MLH3: variants seen among roughly 807,000 people sequenced by gnomAD.
MLH3 encodes the protein mutL homolog 3, also known as DNA mismatch repair protein Mlh3.
MLH3 carries 82 observed loss-of-function variants against 122.2 expected under a neutral mutation model. The ratio of observed to expected loss-of-function variants is 0.67; its 90% confidence interval spans 0.56 to 0.81. The LOEUF (loss-of-function observed/expected upper bound fraction) is 0.81, where lower values mean the gene tolerates loss of function less well. MLH3 is among the 30% of genes least tolerant of loss of function. The pLI is 0.00. For missense variants in MLH3, 1,539 were observed against 1,714.5 expected (o/e 0.90, Z 1.81); for synonymous variants, 524 against 599.5 (o/e 0.87, Z 1.84).
intron 5 of MLH3, 29 bp from the exon 6 acceptor site, chr14:75,038,441 C>A (rs1305371327): frequency 4.8e-5 from 68 of 1,409,348 alleles, no homozygotes; most frequent in Non-Finnish European, 6.3e-5. Flanking sequence ...AGTGGTACAA[C>A]ACTAAATAAA....
Position 75,046,445 on chromosome 14 carries a change from T to C in MLH3, c.3211A>G (p.Thr1071Ala), listed in dbSNP as rs1595082664. ...MTGLSTFIAP[T>A]EDIQAACTKD... is the part of the protein sequence containing the mutation. ...GTACAAGCAGCCTGAATGTCCTCAG[T>C]TGGGGCAATGAATGTGCTGAGTCCA... Residue 1071 changes from threonine to alanine, a missense_variant, in exon 2 of 13, where the codon ACT (threonine) becomes GCT (alanine). By Grantham distance (58) the Thr-to-Ala change is moderately conservative. Transcript: ENST00000355774. 3.7e-6 allele frequency: 6 copies of C among 1,614,170 alleles called. No homozygotes were observed. The highest frequency in any genetic ancestry group is 1.1e-5 in the South Asian group (1 of 91,088).
At position 75,033,624 on chromosome 14, in the gene MLH3, G is replaced by A; in HGVS notation, c.3644-134C>T. ...CAAAACATTCTGAGGAGTAACAATT[G>A]TATCTTTTATTTCCTAAAACATGAA... On this transcript the variant is annotated intron_variant, in intron 6 of 12. Coordinates refer to ENST00000355774, the MANE Select transcript of MLH3 (RefSeq NM_001040108.2). The A allele has an allele frequency of 4.2e-6, 3 of 708,452 alleles. No homozygotes were observed. The South Asian group carries it at 4.6e-5, about 11-fold the overall frequency. 43.9% of individuals were successfully genotyped at this position (708,452 alleles called of 1,614,324 possible).
chr14:75,051,193 CCCAGCCCCTCCCTGG>C (rs1417386717), intron 1 of MLH3, among the ~76,000 whole-genome samples, 172 bp downstream of exon 1: 1 of 152,164 alleles, frequency 6.6e-6, no homozygotes, highest in Non-Finnish European at 1.5e-5. Context: ...TCCCGCCAGG[CCCAGCCCCTCCCTGG>C]CCAGCCCCGT....
chr14:75,030,958 G>A (rs917030827), intron 8 of MLH3, among the ~76,000 whole-genome samples: 14 of 152,176 alleles, frequency 9.2e-5, no homozygotes, highest in African/African-American at 3.4e-4. Context: ...TTCTAAGTGT[G>A]TTTTCTTCAT....
At chr14:75,038,633 CA>C (rs1296282945) in intron 5 of MLH3, among the ~76,000 whole-genome samples, 1 of 152,020 alleles carries the variant, frequency 6.6e-6, no homozygotes, top group African/African-American at 2.4e-5. Flanking sequence ...AGGGAGGCGA[CA>C]GGGGAAGACA....
chr14:75,033,546 G>A, intron 6 of MLH3, 56 bp from the exon 7 acceptor site: 2 of 1,332,336 alleles, frequency 1.5e-6, no homozygotes, highest in South Asian at 2.3e-5. Flanking sequence ...CAACCATCAT[G>A]TGTGTTGAGG....
Position 75,046,720 on chromosome 14 carries a change from A to G in MLH3, c.2936T>C (p.Val979Ala), listed in dbSNP as rs1164738782. 1 of 1,614,034 alleles carries G rather than the reference A, an allele frequency of 6.2e-7. No individual in the cohort carries two copies. Among genetic ancestry groups the G allele is most frequent in the African/African-American group, 1.3e-5 (1 of 74,922 alleles). The change falls in exon 2 of 13, where the codon GTT becomes GCT. Residue 979 changes from valine to alanine, a missense_variant. Transcript: ENST00000355774. ...PLVLPYNNSK[V>A]TGKDSDVLIR... ...AAGAACATCTGAATCTTTACCGGTA[A>G]CTTTAGAATTATTATAGGGCAATAC...
chr14:75,049,568 C>T lies in MLH3; in HGVS notation c.88G>A (p.Ala30Thr), dbSNP rs1173241120. The T allele has an allele frequency of 1.2e-6, 2 of 1,614,196 alleles. No homozygotes were observed. The change falls in exon 2 of 13, where the codon GCC (alanine) becomes ACC (threonine). Residue 30 changes from alanine (A) to threonine (T), a missense_variant. Coordinates refer to ENST00000355774, the MANE Select transcript of MLH3 (RefSeq NM_001040108.2). Reference sequence around the variant, plus strand: ...GCTTCAGCATCAATACTGTTGAGGGCAAGTTCCTCAACACATTGGCCCAAG... The same window carrying T: ...GCTTCAGCATCAATACTGTTGAGGGTAAGTTCCTCAACACATTGGCCCAAG... Reference protein sequence around the residue: ...SSLGQCVEELALNSIDAEAKC... With the variant: ...SSLGQCVEELTLNSIDAEAKC...
intron 9 of MLH3, among the ~76,000 whole-genome samples, chr14:75,028,257 C>G (rs535463664): frequency 2.5e-4 from 38 of 152,172 alleles, no homozygotes; most frequent in African/African-American, 9.2e-4. Context: ...TAAAATGGAC[C>G]TTACTCTCCT....
At chr14:75,023,937 T>C (rs895807732) in intron 9 of MLH3, among the ~76,000 whole-genome samples, 2 of 152,176 alleles carry the variant, frequency 1.3e-5, no homozygotes, top group Admixed American at 6.5e-5. Context: ...GTAGATACTA[T>C]ATTACATATA....
At chr14:75,032,330 A>G in intron 7 of MLH3, 151 bp from the exon 8 acceptor site, 1 of 670,080 alleles carries the variant, frequency 1.5e-6, no homozygotes, top group Non-Finnish European at 2.7e-6. Context: ...TTTTAAAGTC[A>G]AACTAATAAA....
chr14:75,017,027 C>G lies in MLH3; in HGVS notation c.*55G>C. On this transcript the variant is annotated 3_prime_UTR_variant, in exon 13 of 13. Coordinates refer to ENST00000355774, the MANE Select transcript of MLH3 (RefSeq NM_001040108.2). ...TGGTACCTGCTGCTGCTGCTCTCTGCTCAGAGGCATACAGTGAACATCCCT... is the reference window on the plus strand; with the variant it reads ...TGGTACCTGCTGCTGCTGCTCTCTGGTCAGAGGCATACAGTGAACATCCCT... 6.2e-7 allele frequency: 1 copy of G among 1,605,188 alleles called. No individual in the cohort carries two copies.
chr14:75,046,466 G>C lies in MLH3; in HGVS notation c.3190C>G (p.Leu1064Val), dbSNP rs774056235. The change falls in exon 2 of 13, where the codon CTC becomes GTC. Residue 1064 changes from leucine to valine, a missense_variant. Leu to Val is a conservative substitution (Grantham distance 32). Coordinates refer to ENST00000355774, the MANE Select transcript of MLH3 (RefSeq NM_001040108.2). ...TCAGTTGGGGCAATGAATGTGCTGAGTCCAGTCATTTTGTTGACATAAACC... is the reference window on the plus strand; with the variant it reads ...TCAGTTGGGGCAATGAATGTGCTGACTCCAGTCATTTTGTTGACATAAACC... ...RMVYVNKMTG[L>V]STFIAPTEDI... 19 of 1,614,078 alleles carry C rather than the reference G, an allele frequency of 1.2e-5. No homozygotes were observed. The highest frequency in any genetic ancestry group is 1.2e-5 in the Non-Finnish European group (14 of 1,180,050).
intron 12 of MLH3, 75 bp downstream of exon 12, chr14:75,018,754 G>C (rs1345773890): frequency 6.6e-7 from 1 of 1,526,696 alleles, no homozygotes; most frequent in Non-Finnish European, 9.1e-7. Context: ...ACAGATTACA[G>C]TTGCATAGTA....
intron 2 of MLH3, 127 bp from the exon 3 acceptor site, chr14:75,042,604 T>C (rs1476540273): frequency 2.9e-6 from 2 of 695,504 alleles, no homozygotes; most frequent in Non-Finnish European, 5.1e-6. Context: ...TACTAAACAC[T>C]AGATTGAGAA....
At chr14:75,038,715 C>G (rs751512943) in intron 5 of MLH3, among the ~76,000 whole-genome samples, 4 of 152,098 alleles carry the variant, frequency 2.6e-5, no homozygotes, top group Non-Finnish European at 5.9e-5. Context: ...AACAGAGTGA[C>G]TCTTGAGAAT....
chr14:75,050,655 C>T (rs1892595214), intron 1 of MLH3, among the ~76,000 whole-genome samples: 1 of 152,164 alleles, frequency 6.6e-6, no homozygotes, highest in Non-Finnish European at 1.5e-5. Flanking sequence ...CCGCCTTGGC[C>T]TCCCAAAGTG....
In MLH3 at chr14:75,015,730, A is replaced by G. The variant is rs1460572892; in HGVS notation, c.*1352T>C. On this transcript the variant is annotated 3_prime_UTR_variant, in exon 13 of 13. Transcript: ENST00000355774. ...CGTAAATCTACAAGGATCCCCTTGA[A>G]AACAAGTGAAGGTTTTCTCTGAACC... 5.1e-6 allele frequency: 1 copy of G among 194,928 alleles called. No individual in the cohort carries two copies. The highest frequency in any genetic ancestry group is 1.0e-5 in the Non-Finnish European group (1 of 97,390). The allele number at this position is 194,928 out of a possible 1,614,324, so 12.1% of individuals were successfully genotyped here.
chr14:75,030,738 A>G lies in MLH3; in HGVS notation c.3828-36T>C, dbSNP rs2139389030. The G allele has an allele frequency of 1.9e-6, 3 of 1,556,164 alleles. No individual in the cohort carries two copies. In the South Asian group the frequency reaches 3.3e-5, roughly 17 times the overall value. ...AACCTCAAATGTTAAAAAAAAAAAG[A>G]GTGCTACTTCATTTGCACTTCACTA... On this transcript the variant is annotated intron_variant, in intron 8 of 12. Coordinates refer to ENST00000355774, the MANE Select transcript of MLH3 (RefSeq NM_001040108.2).
Sources: gnomAD v4.1 joint callset for allele counts (sites outside exome capture counted in the v4.1 genomes callset) on GRCh38, gnomAD v4.1.1 for gene constraint, MANE v1.5 for transcripts, NCBI Gene and HGNC (gene_info 2026-07-23, HGNC 2026-07-21) for gene names.